CSMD1: variants seen among roughly 807,000 people sequenced by gnomAD.
The protein encoded by CSMD1 is CUB and sushi domain-containing protein 1.
A neutral mutation model predicts 417.5 loss-of-function variants in CSMD1; 213 were observed. That is an observed-to-expected ratio of 0.51 (90% CI 0.46 to 0.57). The LOEUF (loss-of-function observed/expected upper bound fraction) is 0.57, where lower values mean the gene tolerates loss of function less well. Among genes scored for constraint, CSMD1 ranks in the 20% least tolerant of loss-of-function variants. The pLI is 0.00. For synonymous variants in CSMD1, 2,862 were observed against 1,736.8 expected, an observed-to-expected ratio of 1.65 and a Z score of -16.11; for missense variants, 6,923 against 4,529.7, an observed-to-expected ratio of 1.53 and a Z score of -15.17.
chr8:4,605,092 T>G (rs1283204948), intron 2 of CSMD1, among the ~76,000 whole-genome samples: 1 of 152,212 alleles, frequency 6.6e-6, no homozygotes, highest in Non-Finnish European at 1.5e-5. Flanking sequence ...AACTTAAAAT[T>G]AACCTGTACC....
rs564990644 is a variant in CSMD1, at chr8:3,299,358, A to C, written c.3950+8337T>G. On this transcript the variant is annotated intron_variant, in intron 25 of 69. Transcript: ENST00000635120. ...TCCCAGCTACTCAGGAGGCTCAGGC[A>C]GGAGCATTGCTTGAACTCTGGAGGT... Among the ~76,000 whole-genome samples, 105 of 152,294 alleles carry C rather than the reference A, an allele frequency of 6.9e-4. 1 individual carries two copies. The highest frequency in any genetic ancestry group is 2.5e-3 in the African/African-American group (103 of 41,570).
intron 2 of CSMD1, among the ~76,000 whole-genome samples, chr8:4,464,872 AG>A: frequency 6.6e-6 from 1 of 152,226 alleles, no homozygotes; most frequent in East Asian, 1.9e-4. Context: ...TAGTTTTATT[AG>A]TTTTTTATTA....
chr8:4,798,930 G>T (rs1374997902), intron 1 of CSMD1, among the ~76,000 whole-genome samples: 3 of 152,040 alleles, frequency 2.0e-5, no homozygotes, highest in African/African-American at 7.3e-5. Context: ...TGTTTGCATC[G>T]GCCATTCTTG....
intron 23 of CSMD1, among the ~76,000 whole-genome samples, chr8:3,336,316 C>A (rs1161823968): frequency 6.6e-6 from 1 of 152,134 alleles, no homozygotes; most frequent in Non-Finnish European, 1.5e-5. Flanking sequence ...TCTCCACTTC[C>A]CATCACAAAT....
intron 57 of CSMD1, among the ~76,000 whole-genome samples, chr8:2,971,668 G>C (rs1288670726): frequency 6.6e-6 from 1 of 152,164 alleles, no homozygotes; most frequent in Non-Finnish European, 1.5e-5. Flanking sequence ...AGAAAACATT[G>C]CTCTCATGTG....
rs112055081 is a variant in CSMD1 at position 3,404,225 on chromosome 8, T to A, written c.2266+1802A>T. On this transcript the variant is annotated intron_variant, in intron 15 of 69. Transcript: ENST00000635120. ...GGCAGGTGTCTGTAGTCCCAGTTACTCAGGAAGGCTGAGGCAGAAGAACTG... is the reference window on the plus strand; with the variant it reads ...GGCAGGTGTCTGTAGTCCCAGTTACACAGGAAGGCTGAGGCAGAAGAACTG... 1.8e-3 allele frequency among the ~76,000 whole-genome samples: 270 copies of A among 151,816 alleles called. 1 individual carries two copies. The highest frequency in any genetic ancestry group is 3.4e-3 in the Non-Finnish European group (230 of 67,980).
chr8:3,459,705 C>A (rs906029298), intron 12 of CSMD1, among the ~76,000 whole-genome samples: 1 of 151,994 alleles, frequency 6.6e-6, no homozygotes, highest in African/African-American at 2.4e-5. Flanking sequence ...AATTGGGTTC[C>A]GAAAGGTCAT....
chr8:4,052,224 C>CGG (rs1798470412), intron 3 of CSMD1, among the ~76,000 whole-genome samples: 1 of 152,132 alleles, frequency 6.6e-6, no homozygotes, highest in African/African-American at 2.4e-5. Context: ...CGTGCCCACC[C>CGG]AGTACTGCAG....
intron 1 of CSMD1, among the ~76,000 whole-genome samples, chr8:4,828,308 G>C (rs1445874600): frequency 6.6e-6 from 1 of 152,158 alleles, no homozygotes; most frequent in South Asian, 2.1e-4. Context: ...CAACAAATGT[G>C]CTGACTTTTC....
At chr8:4,965,815 G>T (rs1407611731) in intron 1 of CSMD1, among the ~76,000 whole-genome samples, 2 of 152,100 alleles carry the variant, frequency 1.3e-5, no homozygotes, top group Non-Finnish European at 1.5e-5. Flanking sequence ...GAGACATCTG[G>T]AACAAAATAA....
intron 2 of CSMD1, among the ~76,000 whole-genome samples, chr8:4,516,002 C>T (rs1803098955): frequency 6.6e-6 from 1 of 152,176 alleles, no homozygotes; most frequent in Non-Finnish European, 1.5e-5. Context: ...TAAGATAAGA[C>T]TTTGGAGTTG....
At chr8:4,826,928 C>G (rs945180268) in intron 1 of CSMD1, among the ~76,000 whole-genome samples, 5 of 152,106 alleles carry the variant, frequency 3.3e-5, no homozygotes, top group Admixed American at 3.3e-4. Flanking sequence ...CTAGTGCCAG[C>G]TTACTACTCA....
At chr8:4,607,316 G>C (rs1178704289) in intron 2 of CSMD1, among the ~76,000 whole-genome samples, 1 of 152,118 alleles carries the variant, frequency 6.6e-6, no homozygotes, top group Non-Finnish European at 1.5e-5. Context: ...GAACGTATCA[G>C]AATGTTAAGG....
At chr8:3,163,933 T>C (rs1459201168) in intron 37 of CSMD1, among the ~76,000 whole-genome samples, 1 of 152,176 alleles carries the variant, frequency 6.6e-6, no homozygotes. Flanking sequence ...TGTCCATGTA[T>C]ATGAGCCTGA....
intron 2 of CSMD1, among the ~76,000 whole-genome samples, chr8:4,575,487 G>C (rs1255016439): frequency 1.3e-5 from 2 of 152,266 alleles, no homozygotes; most frequent in East Asian, 1.9e-4. Flanking sequence ...TGAAGAAAAG[G>C]AATAATGCAG....
intron 3 of CSMD1, among the ~76,000 whole-genome samples, chr8:4,191,035 AC>A (rs1313357370): frequency 3.3e-5 from 5 of 151,878 alleles, no homozygotes; most frequent in Non-Finnish European, 7.4e-5. Context: ...TGTGCAACAA[AC>A]CCCCATGACA....
intron 67 of CSMD1, among the ~76,000 whole-genome samples, chr8:2,949,846 A>C (rs574839328): frequency 6.6e-6 from 1 of 152,150 alleles, no homozygotes; most frequent in African/African-American, 2.4e-5. Context: ...GGGATGTCTT[A>C]AATCTTTCTA....
At chr8:3,771,191 T>C (rs1202285539) in intron 5 of CSMD1, among the ~76,000 whole-genome samples, 1 of 152,112 alleles carries the variant, frequency 6.6e-6, no homozygotes, top group Non-Finnish European at 1.5e-5. Flanking sequence ...GGAAAAACGA[T>C]GACTACTCTT....
intron 50 of CSMD1, chr8:3,043,738 C>G (rs1410026073): frequency 2.0e-5 from 3 of 152,138 alleles, no homozygotes; most frequent in Non-Finnish European, 2.9e-5. Context: ...TTTTCAAGTG[C>G]TCTTCATCCA....
Sources: allele counts gnomAD v4.1 joint callset (sites outside exome capture counted in the v4.1 genomes callset), GRCh38; gene constraint gnomAD v4.1.1; transcripts MANE v1.5; gene names NCBI Gene and HGNC (gene_info 2026-07-23, HGNC 2026-07-21).